The following PLPPR2 variants were observed in gnomAD, a reference collection of about 807,000 sequenced individuals.
PLPPR2 encodes phospholipid phosphatase related 2, also known as phospholipid phosphatase-related protein type 2.
Under a neutral mutation model 40.3 loss-of-function variants are expected in PLPPR2, and 11 were observed. That is an observed-to-expected ratio of 0.27 (90% confidence interval 0.17 to 0.45). The LOEUF (loss-of-function observed/expected upper bound fraction) is 0.45, where lower values mean the gene tolerates loss of function less well. Among genes scored for constraint, PLPPR2 ranks in the 20% least tolerant of loss-of-function variants. The pLI is 1.00. For missense variants in PLPPR2, 497 were observed against 640.7 expected (o/e 0.78, Z 2.42); for synonymous variants, 260 against 290.8 (o/e 0.89, Z 1.08).
In PLPPR2 at chr19:11,364,318, T is replaced by A. The variant is rs777531155; in HGVS notation, c.1016-29T>A. ...TTATGCTGCCTCCCGAGTTTTCTGA[T>A]CCCCTGATATCTGGCTTCTGACCAC... On this transcript the variant is annotated intron_variant, in intron 9 of 9. Transcript: ENST00000688289. This position sits in a 1 kb window ranked among gnomAD's most constrained non-coding sequence, Gnocchi z 5.8. 44 of 1,519,104 alleles carry A rather than the reference T, an allele frequency of 2.9e-5. No homozygotes were observed. Among genetic ancestry groups the A allele is most frequent in the South Asian group, 1.1e-4 (8 of 75,792 alleles). 94.1% of individuals were successfully genotyped at this position (1,519,104 alleles called of 1,614,324 possible).
At position 11,361,208 on chromosome 19, in the gene PLPPR2, C is replaced by G; in HGVS notation, c.392-9C>G. Reference sequence around the variant, plus strand: ...GGCGCATGAACCCCTTCCACTATCCCACCCCTAGGGGTCTACTCCTTCGGC... The same window carrying G: ...GGCGCATGAACCCCTTCCACTATCCGACCCCTAGGGGTCTACTCCTTCGGC... On this transcript the variant is annotated splice_polypyrimidine_tract_variant and intron_variant, in intron 5 of 9. Coordinates refer to ENST00000688289, the MANE Select transcript of PLPPR2 (RefSeq NM_001393892.1). This position sits in a 1 kb window ranked among gnomAD's most constrained non-coding sequence, Gnocchi z 6.3. 1 of 1,596,592 alleles carries G rather than the reference C, an allele frequency of 6.3e-7. No homozygotes were observed. The highest frequency in any genetic ancestry group is 2.2e-5 in the East Asian group (1 of 44,664).
In PLPPR2 at chr19:11,356,796, C is replaced by T. The variant is rs1167699649; in HGVS notation, c.-189-6C>T. Reference sequence around the variant, plus strand: ...CTGGCAACCATCACCCCATATCACACTGCAGAGTGAGTGTCGTGGTTGGGG... The same window carrying T: ...CTGGCAACCATCACCCCATATCACATTGCAGAGTGAGTGTCGTGGTTGGGG... On this transcript the variant is annotated splice_polypyrimidine_tract_variant and splice_region_variant and intron_variant, in intron 1 of 9. Coordinates refer to ENST00000688289, the MANE Select transcript of PLPPR2 (RefSeq NM_001393892.1). 2 of 152,968 alleles carry T rather than the reference C, an allele frequency of 1.3e-5. No individual in the cohort carries two copies. Among genetic ancestry groups the T allele is most frequent in the Non-Finnish European group, 2.9e-5 (2 of 68,158 alleles). 9.5% of individuals were successfully genotyped at this position (152,968 alleles called of 1,614,324 possible).
rs1300654801 is a variant in PLPPR2 at position 11,355,559 on chromosome 19, G to C, written c.-203G>C. On this transcript the variant is annotated 5_prime_UTR_variant, in exon 1 of 10. Transcript: ENST00000688289. Reference sequence around the variant, plus strand: ...AGGCGGAGCGGGGGCTCAGGCGGCGGCGGCCTCGACGCGGTGAGAGGAGGG... The same window carrying C: ...AGGCGGAGCGGGGGCTCAGGCGGCGCCGGCCTCGACGCGGTGAGAGGAGGG... 6.6e-6 allele frequency: 1 copy of C among 152,286 alleles called. No homozygotes were observed. The highest frequency in any genetic ancestry group is 6.5e-5 in the Admixed American group (1 of 15,284). 9.4% of individuals were successfully genotyped at this position (152,286 alleles called of 1,614,324 possible). A position where few individuals can be genotyped will look rare whatever the true frequency, so the allele number is the denominator to read the frequency against.
rs1215728268 is a variant in PLPPR2, at chr19:11,359,713, C to T, written c.248C>T (p.Thr83Ile). ...TACGCACTGGTCACTGCCGGGCCCA[C>T]CCTCACGGTGAGACAATGAAGACCT... ...LVYALVTAGPTLTILLGELAR... is the reference protein window; with the variant it reads ...LVYALVTAGPILTILLGELAR... Residue 83 changes from threonine to isoleucine, a missense_variant, in exon 4 of 10, where the codon ACC becomes ATC. By Grantham distance (89) the Thr-to-Ile change is moderately conservative. Transcript: ENST00000688289. This position sits in a 1 kb window ranked among gnomAD's most constrained non-coding sequence, Gnocchi z 5.6. 2 of 1,591,116 alleles carry T rather than the reference C, an allele frequency of 1.3e-6. No homozygotes were observed. The highest frequency in any genetic ancestry group is 1.7e-6 in the Non-Finnish European group (2 of 1,165,408).
At chr19:11,355,882 GGT>G (rs138201602) in intron 1 of PLPPR2, among the ~76,000 whole-genome samples, 25 of 150,660 alleles carry the variant, frequency 1.7e-4, no homozygotes, top group Admixed American at 2.0e-4. Context: ...GAGGTCCGCG[GGT>G]GTGTGTGTGT....
At chr19:11,360,064 G>C in intron 5 of PLPPR2, 108 bp downstream of exon 5, 1 of 1,402,796 alleles carries the variant, frequency 7.1e-7, no homozygotes, top group Non-Finnish European at 9.4e-7. Flanking sequence ...TGGGTGTGGT[G>C]GCTCACGCCT....
rs944549352 is a variant in PLPPR2, at chr19:11,361,574, C to G, written c.663+86C>G. ...TAGGAAGCCGCCAGGGTTGGAGCCT[C>G]TGCTCTTCCACGCCCCGGGTGCTGT... On this transcript the variant is annotated intron_variant, in intron 6 of 9. Transcript: ENST00000688289. This position sits in a 1 kb window ranked among gnomAD's most constrained non-coding sequence, Gnocchi z 6.3. 7.9e-6 allele frequency: 12 copies of G among 1,510,894 alleles called. No individual in the cohort carries two copies. Among genetic ancestry groups the G allele is most frequent in the Non-Finnish European group, 9.7e-6 (11 of 1,131,468 alleles). The allele number at this position is 1,510,894 out of a possible 1,614,324, so 93.6% of individuals were successfully genotyped here.
rs765793814 is a variant in PLPPR2 at position 11,362,605 on chromosome 19, C to T, written c.756C>T (p.Gly252=). The T allele has an allele frequency of 1.9e-6, 3 of 1,613,596 alleles. No homozygotes were observed. Among genetic ancestry groups the T allele is most frequent in the East Asian group, 4.5e-5 (2 of 44,892 alleles). ...TGCTGTGCCCGGCCTTCCTGGTGGG[C>T]GTGGTCCGCGTGGCCGAGTACCGAA... ...LALLCPAFLV[G]VVRVAEYRNH... is the part of the protein sequence containing the mutation. Residue 252 remains glycine, a synonymous_variant, in exon 7 of 10, where the codon GGC becomes GGT. Coordinates refer to ENST00000688289, the MANE Select transcript of PLPPR2 (RefSeq NM_001393892.1). The surrounding 1 kb of genome is among the most constrained non-coding windows in gnomAD (Gnocchi z 5.3).
chr19:11,362,079 G>A lies in PLPPR2; in HGVS notation c.664-434G>A, dbSNP rs1306331857. Among the ~76,000 whole-genome samples the A allele has an allele frequency of 6.6e-6, 1 of 152,138 alleles. No homozygotes were observed. Among genetic ancestry groups the A allele is most frequent in the Non-Finnish European group, 1.5e-5 (1 of 68,006 alleles). On this transcript the variant is annotated intron_variant, in intron 6 of 9. Transcript: ENST00000688289. The surrounding 1 kb of genome is among the most constrained non-coding windows in gnomAD (Gnocchi z 5.3). ...CCGGGTTTATGCTCCCACCCTGTCA[G>A]TGGTCCCCTAGGGGTCAGGGGCTCC...
chr19:11,356,832 A>C lies in PLPPR2; in HGVS notation c.-159A>C, dbSNP rs1967899786. The C allele has an allele frequency of 6.5e-6, 1 of 153,044 alleles. No individual in the cohort carries two copies. Among genetic ancestry groups the C allele is most frequent in the Admixed American group, 6.6e-5 (1 of 15,266 alleles). 9.5% of individuals were successfully genotyped at this position (153,044 alleles called of 1,614,324 possible). On this transcript the variant is annotated 5_prime_UTR_variant, in exon 2 of 10. Coordinates refer to ENST00000688289, the MANE Select transcript of PLPPR2 (RefSeq NM_001393892.1). ...GTGTCGTGGTTGGGGTGCTGGACCC[A>C]GAGTGCCTACCCTCGCCTGCCTGGG...
intron 2 of PLPPR2, 92 bp from the exon 3 acceptor site, chr19:11,357,568 A>G: frequency 3.4e-6 from 3 of 890,300 alleles, no homozygotes; most frequent in Non-Finnish European, 5.0e-6. Flanking sequence ...GGTGTGGCCA[A>G]AGGACTCAGG....
At chr19:11,360,027 G>T in intron 5 of PLPPR2, 71 bp downstream of exon 5, 2 of 1,494,040 alleles carry the variant, frequency 1.3e-6, no homozygotes, top group Non-Finnish European at 1.8e-6. Flanking sequence ...AAGAGTCATG[G>T]GCCTGACAGT....
At position 11,362,581 on chromosome 19, in the gene PLPPR2, G is replaced by GCTGTGCCCGGCCTTC; in HGVS notation, c.736_750dup (p.Cys246_Leu250dup). ...TCAAACCCTCGCTCTGCCTGGCCTT[G>GCTGTGCCCGGCCTTC]CTGTGCCCGGCCTTCCTGGTGGGCG... On this transcript the variant is annotated inframe_insertion, in exon 7 of 10. Coordinates refer to ENST00000688289, the MANE Select transcript of PLPPR2 (RefSeq NM_001393892.1). This position sits in a 1 kb window ranked among gnomAD's most constrained non-coding sequence, Gnocchi z 5.3. 6.2e-7 allele frequency: 1 copy of GCTGTGCCCGGCCTTC among 1,613,114 alleles called. No homozygotes were observed. Among genetic ancestry groups the GCTGTGCCCGGCCTTC allele is most frequent in the Non-Finnish European group, 8.5e-7 (1 of 1,180,002 alleles).
At chr19:11,356,029 G>A (rs919911019) in intron 1 of PLPPR2, among the ~76,000 whole-genome samples, 10 of 151,974 alleles carry the variant, frequency 6.6e-5, no homozygotes, top group Admixed American at 4.6e-4. Flanking sequence ...CTTGGTGTTC[G>A]TGTGGTTGTG....
intron 5 of PLPPR2, 86 bp downstream of exon 5, chr19:11,360,042 A>G: frequency 8.2e-6 from 12 of 1,461,884 alleles, no homozygotes; most frequent in Non-Finnish European, 9.9e-6. Context: ...GACAGTCATA[A>G]TAATTCCAGG....
Position 11,357,836 on chromosome 19 carries a change from A to C in PLPPR2, c.66+97A>C, listed in dbSNP as rs1438928699. ...CTGTACCCACTTTTCCATCTCTGGG[A>C]TCTCCCTTGCTGTCCCCTTTCTCTT... On this transcript the variant is annotated intron_variant, in intron 3 of 9. Coordinates refer to ENST00000688289, the MANE Select transcript of PLPPR2 (RefSeq NM_001393892.1). 3 of 968,156 alleles carry C rather than the reference A, an allele frequency of 3.1e-6. No homozygotes were observed. In the African/African-American group the frequency reaches 5.0e-5, roughly 16 times the overall value. The allele number at this position is 968,156 out of a possible 1,614,324, so 60.0% of individuals were successfully genotyped here.
chr19:11,361,557 C>G lies in PLPPR2; in HGVS notation c.663+69C>G. On this transcript the variant is annotated intron_variant, in intron 6 of 9. Coordinates refer to ENST00000688289, the MANE Select transcript of PLPPR2 (RefSeq NM_001393892.1). This position sits in a 1 kb window ranked among gnomAD's most constrained non-coding sequence, Gnocchi z 6.3. ...GGACAGCGACCAGCAGCTAGGAAGC[C>G]GCCAGGGTTGGAGCCTCTGCTCTTC... 6.5e-7 allele frequency: 1 copy of G among 1,534,602 alleles called. No individual in the cohort carries two copies. The highest frequency in any genetic ancestry group is 1.2e-5 in the South Asian group (1 of 80,904).
In PLPPR2 at chr19:11,364,437, G is replaced by A. The variant is rs748264754; in HGVS notation, c.1106G>A (p.Arg369His). The change falls in exon 10 of 10, where the codon CGT (arginine) becomes CAT (histidine). Residue 369 changes from arginine to histidine, a missense_variant. Arg to His is a conservative substitution (Grantham distance 29). Coordinates refer to ENST00000688289, the MANE Select transcript of PLPPR2 (RefSeq NM_001393892.1). The surrounding 1 kb of genome is among the most constrained non-coding windows in gnomAD (Gnocchi z 5.8). ...PAMCSSPRVPRPRLRSEPTPL... is the reference protein window; with the variant it reads ...PAMCSSPRVPHPRLRSEPTPL... ...ATGTGTTCGTCGCCCCGTGTGCCCCGTCCTCGATTGAGGTCTGAGCCGACG... is the reference window on the plus strand; with the variant it reads ...ATGTGTTCGTCGCCCCGTGTGCCCCATCCTCGATTGAGGTCTGAGCCGACG... 8.6e-6 allele frequency: 13 copies of A among 1,518,776 alleles called. No homozygotes were observed. Among genetic ancestry groups the A allele is most frequent in the Admixed American group, 6.5e-5 (3 of 46,426 alleles). 94.1% of individuals were successfully genotyped at this position (1,518,776 alleles called of 1,614,324 possible).
At position 11,362,344 on chromosome 19, in the gene PLPPR2, C is replaced by G; in HGVS notation, c.664-169C>G. On this transcript the variant is annotated intron_variant, in intron 6 of 9. Coordinates refer to ENST00000688289, the MANE Select transcript of PLPPR2 (RefSeq NM_001393892.1). This position sits in a 1 kb window ranked among gnomAD's most constrained non-coding sequence, Gnocchi z 5.3. ...ACCCCCCCCCCTTTGCCTTTTTGGT[C>G]ACGCTCCCTGGAAAAGCCCACTGGG... The G allele has an allele frequency of 4.5e-6, 2 of 443,136 alleles. No individual in the cohort carries two copies. The highest frequency in any genetic ancestry group is 8.0e-6 in the Non-Finnish European group (2 of 249,454). The allele number at this position is 443,136 out of a possible 1,614,324, so 27.5% of individuals were successfully genotyped here. A position where few individuals can be genotyped will look rare whatever the true frequency, so the allele number is the denominator to read the frequency against.
Sources: gnomAD v4.1 joint callset for allele counts (sites outside exome capture counted in the v4.1 genomes callset) on GRCh38, gnomAD v4.1.1 for gene constraint, Gnocchi (gnomAD v3.1) non-coding constraint, MANE v1.5 for transcripts, NCBI Gene and HGNC (gene_info 2026-07-23, HGNC 2026-07-21) for gene names.